Variants in ADARB1 observed in about 807,000 individuals in gnomAD.
ADARB1 encodes adenosine deaminase RNA specific B1.
A neutral mutation model predicts 52.4 loss-of-function variants in ADARB1; 10 were observed. The observed-to-expected ratio is 0.19, with a 90% confidence interval of 0.12 to 0.32. The LOEUF is 0.32. ADARB1 is among the 10% of genes least tolerant of loss of function. The probability of loss-of-function intolerance (pLI) is 1.00; values close to 1 mark genes in which losing one functional copy is unlikely to be tolerated. For missense variants in ADARB1, 643 were observed against 922.3 expected (o/e 0.70, Z 3.92); for synonymous variants, 349 against 371.1 (o/e 0.94, Z 0.68).
chr21:45,173,971 C>T (rs1447280674), intron 3 of ADARB1, among the ~76,000 whole-genome samples: 1 of 152,106 alleles, frequency 6.6e-6, no homozygotes, highest in Non-Finnish European at 1.5e-5. Context: ...TTATGCTCTG[C>T]TGTCTTGGCC....
intron 1 of ADARB1, among the ~76,000 whole-genome samples, chr21:45,086,134 T>TG (rs2086334369): frequency 6.6e-6 from 1 of 152,192 alleles, no homozygotes; most frequent in Non-Finnish European, 1.5e-5. Flanking sequence ...GCGGTGCTGT[T>TG]GGACAGAAGA....
At chr21:45,090,983 G>T (rs577549199) in intron 1 of ADARB1, among the ~76,000 whole-genome samples, 1 of 152,350 alleles carries the variant, frequency 6.6e-6, no homozygotes, top group East Asian at 1.9e-4. Flanking sequence ...TTTCTTAAAT[G>T]TTGGGCATTG....
chr21:45,108,089 CA>C (rs1293519019), intron 1 of ADARB1, among the ~76,000 whole-genome samples: 1 of 151,982 alleles, frequency 6.6e-6, no homozygotes, highest in Non-Finnish European at 1.5e-5. Flanking sequence ...TGACCAAAAA[CA>C]AAACAGAAAA....
intron 1 of ADARB1, among the ~76,000 whole-genome samples, chr21:45,101,454 G>A (rs1010678597): frequency 6.6e-6 from 1 of 152,260 alleles, no homozygotes; most frequent in African/African-American, 2.4e-5. Context: ...AACTCCTGAA[G>A]TGCGTGCACA....
At chr21:45,120,906 C>T (rs1043007968) in intron 1 of ADARB1, 4 of 152,154 alleles carry the variant, frequency 2.6e-5, no homozygotes, top group East Asian at 3.8e-4. Context: ...ATAGAAATGT[C>T]GCTGTTCAGT....
At chr21:45,108,347 AT>A (rs1022441990) in intron 1 of ADARB1, among the ~76,000 whole-genome samples, 2 of 152,200 alleles carry the variant, frequency 1.3e-5, no homozygotes, top group African/African-American at 4.8e-5. Context: ...TAATGTTGCT[AT>A]TTCTCATGTA....
At chr21:45,162,151 C>T (rs1256530113) in intron 2 of ADARB1, among the ~76,000 whole-genome samples, 1 of 152,148 alleles carries the variant, frequency 6.6e-6, no homozygotes, top group Non-Finnish European at 1.5e-5. Context: ...TTCAAGGAGC[C>T]CAGACCTAGG....
chr21:45,178,143 A>T (rs1293764181), intron 4 of ADARB1, among the ~76,000 whole-genome samples: 1 of 152,230 alleles, frequency 6.6e-6, no homozygotes, highest in Non-Finnish European at 1.5e-5. Flanking sequence ...CAGATGTCTG[A>T]ACCTTCAGTG....
intron 2 of ADARB1, among the ~76,000 whole-genome samples, chr21:45,169,324 T>C (rs958419852): frequency 6.6e-6 from 1 of 152,230 alleles, no homozygotes; most frequent in African/African-American, 2.4e-5. Context: ...GTTTTTTGTT[T>C]GGTGTTTGGC....
At chr21:45,087,848 A>C (rs1446430617) in intron 1 of ADARB1, among the ~76,000 whole-genome samples, 1 of 152,236 alleles carries the variant, frequency 6.6e-6, no homozygotes, top group Non-Finnish European at 1.5e-5. Context: ...GAAAATGATA[A>C]TGTTGACTGG....
At chr21:45,134,323 G>GGA (rs1421292843) in intron 2 of ADARB1, among the ~76,000 whole-genome samples, 1 of 143,610 alleles carries the variant, frequency 7.0e-6, no homozygotes, top group African/African-American at 2.6e-5. Context: ...GCGCCCGCCG[G>GGA]GTGTGTGCCC....
chr21:45,191,531 A>G (rs1038379041), intron 8 of ADARB1, among the ~76,000 whole-genome samples: 2 of 152,080 alleles, frequency 1.3e-5, no homozygotes, highest in East Asian at 1.9e-4. Flanking sequence ...ATGTGTGTCT[A>G]TTTTTAATAA....
chr21:45,128,130 G>A lies in ADARB1; in HGVS notation c.-219-272G>A, dbSNP rs975977431. 6.6e-6 allele frequency among the ~76,000 whole-genome samples: 1 copy of A among 152,242 alleles called. No individual in the cohort carries two copies. Among genetic ancestry groups the A allele is most frequent in the African/African-American group, 2.4e-5 (1 of 41,458 alleles). The stretch of plus-strand genomic sequence containing the variant: ...TCCAGTCCTCAGTGTGTGGCCTGGT[G>A]CCGCTGATGCCGAGATGTTGGGCTG... On this transcript the variant is annotated intron_variant, in intron 1 of 10. Transcript: ENST00000348831. This position sits in a 1 kb window ranked among gnomAD's most constrained non-coding sequence, Gnocchi z 4.6.
intron 1 of ADARB1, among the ~76,000 whole-genome samples, chr21:45,080,008 G>A (rs2086092320): frequency 3.3e-5 from 5 of 152,194 alleles, no homozygotes; most frequent in Admixed American, 3.3e-4. Flanking sequence ...AAACTAGTGA[G>A]AGTCTAGTGG....
chr21:45,159,907 G>A (rs542023373), intron 2 of ADARB1, among the ~76,000 whole-genome samples: 1 of 152,226 alleles, frequency 6.6e-6, no homozygotes, highest in Non-Finnish European at 1.5e-5. Context: ...CATGCGCTGT[G>A]TGTCACTTTG....
intron 2 of ADARB1, among the ~76,000 whole-genome samples, chr21:45,151,914 TG>T (rs2145952609): frequency 6.6e-6 from 1 of 152,352 alleles, no homozygotes; most frequent in East Asian, 1.9e-4. Flanking sequence ...CTCCCTTGGC[TG>T]TGTGTCATTC....
Position 45,223,710 on chromosome 21 carries a change from G to T in ADARB1, c.*1513G>T. The T allele has an allele frequency of 1.0e-6, 1 of 985,464 alleles. No homozygotes were observed. The allele number at this position is 985,464 out of a possible 1,614,324, so 61.0% of individuals were successfully genotyped here. On this transcript the variant is annotated 3_prime_UTR_variant, in exon 11 of 11. Coordinates refer to ENST00000348831, the MANE Select transcript of ADARB1 (RefSeq NM_001112.4). ...CTAGGAAACCAGAGCAGGGGCAGAG[G>T]GGCGTCATCCTCCCACCGGACGCTG... is the stretch of plus-strand genomic sequence containing the variant.
At position 45,074,598 on chromosome 21, in the gene ADARB1, T is replaced by G. The variant is rs908355000; in HGVS notation, c.-415T>G. 19 of 145,368 alleles carry G rather than the reference T, an allele frequency of 1.3e-4. No individual in the cohort carries two copies. In the East Asian group the frequency reaches 4.0e-3, roughly 30 times the overall value. 9.0% of individuals were successfully genotyped at this position (145,368 alleles called of 1,614,324 possible). A position where few individuals can be genotyped will look rare whatever the true frequency, so the allele number is the denominator to read the frequency against. ...CGGGGCTGAGGCGCTGAGGCGGCCG[T>G]GGCGGCGGCGGCGGCGGCGGCGGCA... On this transcript the variant is annotated 5_prime_UTR_variant, in exon 1 of 11. Transcript: ENST00000348831.
intron 1 of ADARB1, among the ~76,000 whole-genome samples, chr21:45,101,307 C>T (rs972837817): frequency 2.0e-5 from 3 of 152,188 alleles, no homozygotes; most frequent in African/African-American, 7.2e-5. Flanking sequence ...CGTGTCCCCG[C>T]AGCCCCGCGC....
Sources: gnomAD v4.1 joint callset for allele counts (sites outside exome capture counted in the v4.1 genomes callset) on GRCh38, gnomAD v4.1.1 for gene constraint, Gnocchi (gnomAD v3.1) non-coding constraint, MANE v1.5 for transcripts, NCBI Gene and HGNC (gene_info 2026-07-23, HGNC 2026-07-21) for gene names.